Variants in NALCN observed in about 807,000 individuals in gnomAD.
NALCN encodes the protein sodium leak channel, non-selective.
In NALCN, 111 loss-of-function variants were observed where a neutral mutation model predicts 225.3. The observed-to-expected ratio is 0.49, with a 90% CI of 0.42 to 0.58. The LOEUF is 0.58. Among genes scored for constraint, NALCN ranks in the 20% least tolerant of loss-of-function variants. NALCN has a pLI of 0.00. For missense variants in NALCN, 1,378 were observed against 2,202.4 expected, an observed-to-expected ratio of 0.63 and a Z score of 7.49; for synonymous variants, 764 against 769.0, an observed-to-expected ratio of 0.99 and a Z score of 0.11.
At chr13:101,272,016 C>G (rs1023409117) in intron 10 of NALCN, among the ~76,000 whole-genome samples, 1 of 150,988 alleles carries the variant, frequency 6.6e-6, no homozygotes, top group Non-Finnish European at 1.5e-5. Flanking sequence ...TTGTGTGTCA[C>G]TGTGTGTGTA....
chr13:101,102,395 G>GT (rs1398468474), intron 26 of NALCN, among the ~76,000 whole-genome samples: 2 of 152,040 alleles, frequency 1.3e-5, no homozygotes, highest in African/African-American at 4.8e-5. Flanking sequence ...CTCATCACAG[G>GT]TAAGTCTCTA....
At chr13:101,314,603 A>C (rs1207671834) in intron 7 of NALCN, among the ~76,000 whole-genome samples, 1 of 152,190 alleles carries the variant, frequency 6.6e-6, no homozygotes, top group Non-Finnish European at 1.5e-5. Flanking sequence ...TCTTATTTCC[A>C]CAATATCACC....
chr13:101,369,139 G>A (rs2046465090), intron 6 of NALCN: 1 of 223,504 alleles, frequency 4.5e-6, no homozygotes, highest in African/African-American at 2.4e-5. Flanking sequence ...AGTAAACAAA[G>A]AGTCACATAA....
Position 101,394,459 on chromosome 13 carries a change from A to G in NALCN, c.291+724T>C, listed in dbSNP as rs992481735. Among the ~76,000 whole-genome samples the G allele has an allele frequency of 3.3e-5, 5 of 152,180 alleles. No homozygotes were observed. In the East Asian group the frequency reaches 9.6e-4, roughly 29 times the overall value. ...AGTCGTCTGTCATTTGTCAAACTCT[A>G]AAATCTGCACTCCTATTACTGCTTC... On this transcript the variant is annotated intron_variant, in intron 3 of 43. Transcript: ENST00000251127.
At chr13:101,124,199 T>C (rs1167088503) in intron 18 of NALCN, among the ~76,000 whole-genome samples, 1 of 152,202 alleles carries the variant, frequency 6.6e-6, no homozygotes, top group African/African-American at 2.4e-5. Flanking sequence ...CTTTTTATTA[T>C]TTCCGGATTT....
intron 15 of NALCN, among the ~76,000 whole-genome samples, chr13:101,173,946 T>C (rs2038853909): frequency 6.6e-6 from 1 of 152,136 alleles, no homozygotes; most frequent in Admixed American, 6.5e-5. Flanking sequence ...AATGTGTGTG[T>C]TTTTAAAAAT....
At position 101,095,487 on chromosome 13, in the gene NALCN, T is replaced by G. The variant is rs189592980; in HGVS notation, c.3269+87A>C. ...TTTTAACATCTCTAGCAAAACTACTTTTAGTTACATGCCATATGATACTTA... is the reference window on the plus strand; with the variant it reads ...TTTTAACATCTCTAGCAAAACTACTGTTAGTTACATGCCATATGATACTTA... On this transcript the variant is annotated intron_variant, in intron 28 of 43. Transcript: ENST00000251127. 2.9e-4 allele frequency: 302 copies of G among 1,050,116 alleles called. 2 individuals are homozygous for G. The Middle Eastern group carries it at 3.9e-3, about 14-fold the overall frequency. 65.0% of individuals were successfully genotyped at this position (1,050,116 alleles called of 1,614,324 possible).
Position 101,292,665 on chromosome 13 carries a change from T to C in NALCN, c.800-299A>G, listed in dbSNP as rs472879. Among the ~76,000 whole-genome samples, 22,232 of 152,170 alleles carry C rather than the reference T, an allele frequency of 0.15. 1,992 individuals are homozygous for C. Among genetic ancestry groups the C allele is most frequent in the African/African-American group, 0.25 (10,455 of 41,500 alleles). ...AGGAAATAAACAGTCAAACCAAGTA[T>C]ATATATGTATAATTAAAAAAAGGAT... On this transcript the variant is annotated intron_variant, in intron 7 of 43. Transcript: ENST00000251127. This position sits in a 1 kb window ranked among gnomAD's most constrained non-coding sequence, Gnocchi z 4.3.
intron 30 of NALCN, among the ~76,000 whole-genome samples, chr13:101,087,339 CTG>C (rs2033982164): frequency 6.6e-6 from 1 of 152,058 alleles, no homozygotes; most frequent in Non-Finnish European, 1.5e-5. Flanking sequence ...AATAACTTTT[CTG>C]TGTTTAGTGT....
chr13:101,104,981 A>G lies in NALCN; in HGVS notation c.2580-31T>C. ...AGAGAACACATATATAAAATTCTGC[A>G]ACAAAGCAAGCATGTTTTAACTTGC... On this transcript the variant is annotated intron_variant, in intron 22 of 43. Coordinates refer to ENST00000251127, the MANE Select transcript of NALCN (RefSeq NM_052867.4). The surrounding 1 kb of genome is among the most constrained non-coding windows in gnomAD (Gnocchi z 4.2). The G allele has an allele frequency of 6.3e-7, 1 of 1,596,996 alleles. No individual in the cohort carries two copies. Among genetic ancestry groups the G allele is most frequent in the African/African-American group, 1.3e-5 (1 of 74,596 alleles).
chr13:101,257,212 T>A (rs1014350265), intron 11 of NALCN, among the ~76,000 whole-genome samples: 4 of 146,178 alleles, frequency 2.7e-5, no homozygotes, highest in South Asian at 2.1e-4. Context: ...GTTTATTGTT[T>A]TTTTTTTTTT....
chr13:101,285,701 T>C (rs903567720), intron 9 of NALCN, among the ~76,000 whole-genome samples: 1 of 152,020 alleles, frequency 6.6e-6, no homozygotes, highest in African/African-American at 2.4e-5. Context: ...CTGCAAAAAC[T>C]CTTTTTGGGG....
intron 17 of NALCN, among the ~76,000 whole-genome samples, chr13:101,129,919 C>G (rs2036434568): frequency 6.6e-6 from 1 of 151,556 alleles, no homozygotes; most frequent in African/African-American, 2.4e-5. Context: ...CCTCCCTGTG[C>G]CCATATGTTC....
Position 101,291,785 on chromosome 13 carries a change from A to G in NALCN, c.1047+205T>C, listed in dbSNP as rs114302873. ...GGCTGATCTCAAACTCCTGGGCTCAAGCAATCCCTCTCCCTCAGCCTCCCA... is the reference window on the plus strand; with the variant it reads ...GGCTGATCTCAAACTCCTGGGCTCAGGCAATCCCTCTCCCTCAGCCTCCCA... On this transcript the variant is annotated intron_variant, in intron 9 of 43. Transcript: ENST00000251127. Among the ~76,000 whole-genome samples, 414 of 152,222 alleles carry G rather than the reference A, an allele frequency of 2.7e-3. 1 individual carries two copies. Among genetic ancestry groups the G allele is most frequent in the African/African-American group, 9.2e-3 (382 of 41,552 alleles).
At chr13:101,091,320 G>A (rs1195434884) in intron 28 of NALCN, among the ~76,000 whole-genome samples, 1 of 152,032 alleles carries the variant, frequency 6.6e-6, no homozygotes, top group Non-Finnish European at 1.5e-5. Flanking sequence ...TAACCCTCAG[G>A]ACAGGCAACG....
At chr13:101,325,105 G>A (rs539131367) in intron 7 of NALCN, among the ~76,000 whole-genome samples, 10 of 152,200 alleles carry the variant, frequency 6.6e-5, no homozygotes, top group Admixed American at 3.3e-4. Context: ...GCTTAAATCC[G>A]TACAGGGTTG....
intron 6 of NALCN, among the ~76,000 whole-genome samples, chr13:101,355,347 G>A (rs1318153933): frequency 2.0e-5 from 3 of 148,822 alleles, no homozygotes; most frequent in Middle Eastern, 3.2e-3. Context: ...AAGGGATGGA[G>A]GAAGACCTAC....
At chr13:101,366,629 T>G (rs2046383750) in intron 6 of NALCN, among the ~76,000 whole-genome samples, 1 of 152,158 alleles carries the variant, frequency 6.6e-6, no homozygotes, top group Non-Finnish European at 1.5e-5. Flanking sequence ...TATAATACAT[T>G]TTTTAAATAA....
At chr13:101,379,494 A>G (rs564072015) in intron 3 of NALCN, among the ~76,000 whole-genome samples, 2 of 152,312 alleles carry the variant, frequency 1.3e-5, no homozygotes, top group African/African-American at 4.8e-5. Flanking sequence ...AAACTGGTTA[A>G]AGAAAATGTG....
Sources: gnomAD v4.1 joint callset for allele counts (sites outside exome capture counted in the v4.1 genomes callset) on GRCh38, gnomAD v4.1.1 for gene constraint, Gnocchi (gnomAD v3.1) non-coding constraint, MANE v1.5 for transcripts, NCBI Gene and HGNC (gene_info 2026-07-23, HGNC 2026-07-21) for gene names.